The following ANO3 variants were observed in gnomAD, a reference collection of about 807,000 sequenced individuals.
ANO3 encodes the protein anoctamin 3.
Under a neutral mutation model 144.8 loss-of-function variants are expected in ANO3, and 99 were observed. The ratio of observed to expected loss-of-function variants is 0.68; its 90% CI spans 0.58 to 0.81. The LOEUF is 0.81. Ranked by LOEUF, ANO3 falls within the 30% of genes least tolerant of loss-of-function variation. ANO3 has a pLI of 0.00. For synonymous variants in ANO3, 414 were observed against 392.6 expected, an observed-to-expected ratio of 1.05 and a Z score of -0.64; for missense variants, 905 against 1,202.2, an observed-to-expected ratio of 0.75 and a Z score of 3.66.
intron 1 of ANO3, among the ~76,000 whole-genome samples, chr11:26,289,580 C>CGA (rs1853894448): frequency 1.1e-5 from 1 of 89,440 alleles, no homozygotes; most frequent in Non-Finnish European, 2.1e-5. Flanking sequence ...ACACATATAT[C>CGA]CTATATGTGT....
At chr11:26,368,326 G>C (rs1856150391) in intron 1 of ANO3, among the ~76,000 whole-genome samples, 1 of 152,098 alleles carries the variant, frequency 6.6e-6, no homozygotes, top group Admixed American at 6.6e-5. Flanking sequence ...ATGAGCTGTA[G>C]ATTTCGTATA....
intron 1 of ANO3, among the ~76,000 whole-genome samples, chr11:26,416,946 G>T (rs1363957400): frequency 1.3e-5 from 2 of 151,998 alleles, no homozygotes; most frequent in Non-Finnish European, 2.9e-5. Context: ...TCCTCTAATA[G>T]TTTTACTGTT....
At chr11:26,600,278 C>A (rs11820757) in intron 17 of ANO3, among the ~76,000 whole-genome samples, 4 of 75,766 alleles carry the variant, frequency 5.3e-5, no homozygotes, top group Non-Finnish European at 1.1e-4. Flanking sequence ...CCTCTCCCCT[C>A]CCCTTCCCCT....
chr11:26,644,138 C>T (rs1396950724), intron 23 of ANO3, among the ~76,000 whole-genome samples: 1 of 152,138 alleles, frequency 6.6e-6, no homozygotes, highest in Non-Finnish European at 1.5e-5. Context: ...TGAGGACACC[C>T]TTCCAACCGT....
At position 26,419,709 on chromosome 11, in the gene ANO3, C is replaced by A. The variant is rs542468525; in HGVS notation, c.47-22209C>A. ...TAAATGAATGGAAACATAATAAGTT[C>A]TATTAAAGCAAAGTACGTATTGTTA... On this transcript the variant is annotated intron_variant, in intron 1 of 26. Coordinates refer to ENST00000256737, the MANE Select transcript of ANO3 (RefSeq NM_031418.4). Among the ~76,000 whole-genome samples, 3 of 152,032 alleles carry A rather than the reference C, an allele frequency of 2.0e-5. No homozygotes were observed. The South Asian group carries it at 6.2e-4, about 32-fold the overall frequency.
intron 14 of ANO3, among the ~76,000 whole-genome samples, chr11:26,598,127 A>G (rs374184709): frequency 6.6e-6 from 1 of 152,354 alleles, no homozygotes; most frequent in Middle Eastern, 3.4e-3. Flanking sequence ...CTGTGCTGAC[A>G]AAAAGTCCCT....
chr11:26,372,192 C>T (rs985149346), intron 1 of ANO3, among the ~76,000 whole-genome samples: 1 of 152,072 alleles, frequency 6.6e-6, no homozygotes, highest in Non-Finnish European at 1.5e-5. Flanking sequence ...ATCATGGGAT[C>T]GGATGGTTTT....
upstream of ANO3, among the ~76,000 whole-genome samples, chr11:26,329,298 A>ACACG (rs1278085496): frequency 2.6e-5 from 2 of 78,128 alleles, no homozygotes; most frequent in African/African-American, 6.6e-5. Context: ...CTTTCTTTAC[A>ACACG]CACACACACA....
intron 1 of ANO3, among the ~76,000 whole-genome samples, chr11:26,269,984 G>A (rs569929215): frequency 6.6e-6 from 1 of 152,280 alleles, no homozygotes; most frequent in African/African-American, 2.4e-5. Context: ...ACAGAGAACA[G>A]ATCATGTGAA....
intron 1 of ANO3, among the ~76,000 whole-genome samples, chr11:26,418,330 G>A (rs549095963): frequency 1.3e-5 from 2 of 152,194 alleles, no homozygotes; most frequent in African/African-American, 2.4e-5. Context: ...ATAACAGAGT[G>A]TGGCTGGAAG....
In ANO3 at chr11:26,623,182, A is replaced by G. The variant is rs187142035; in HGVS notation, c.1837-1280A>G. 2.0e-5 allele frequency among the ~76,000 whole-genome samples: 3 copies of G among 152,340 alleles called. No individual in the cohort carries two copies. In the East Asian group the frequency reaches 5.8e-4, roughly 29 times the overall value. ...CTCAGTGTAATCTTTCTGTCTCCAG[A>G]TAACACTTTAACTCTTAGGAAGGGG... On this transcript the variant is annotated intron_variant, in intron 17 of 26. Coordinates refer to ENST00000256737, the MANE Select transcript of ANO3 (RefSeq NM_031418.4).
intron 6 of ANO3, among the ~76,000 whole-genome samples, chr11:26,523,044 C>T (rs995255941): frequency 4.6e-5 from 7 of 152,100 alleles, no homozygotes; most frequent in Admixed American, 2.0e-4. Context: ...GCTGGAAAGG[C>T]CTTGGAAAGC....
chr11:26,310,330 G>A (rs1193425006), intron 1 of ANO3, among the ~76,000 whole-genome samples: 2 of 152,150 alleles, frequency 1.3e-5, no homozygotes, highest in African/African-American at 4.8e-5. Context: ...CAATTGATTG[G>A]TTATTGGTTA....
intron 17 of ANO3, among the ~76,000 whole-genome samples, chr11:26,614,478 A>T (rs143739854): frequency 1.3e-5 from 2 of 152,312 alleles, no homozygotes; most frequent in East Asian, 3.9e-4. Flanking sequence ...ACTGATCCCC[A>T]GGGCAAGACA....
At chr11:26,538,260 A>G (rs1045011319) in intron 10 of ANO3, among the ~76,000 whole-genome samples, 2 of 152,222 alleles carry the variant, frequency 1.3e-5, no homozygotes, top group Admixed American at 6.5e-5. Context: ...TGTTTTGTAT[A>G]TAGGTAACTG....
intron 1 of ANO3, among the ~76,000 whole-genome samples, chr11:26,314,338 C>T (rs140317223): frequency 6.6e-6 from 1 of 152,280 alleles, no homozygotes; most frequent in East Asian, 1.9e-4. Context: ...CCAATTTCCT[C>T]ATTTATAAAT....
chr11:26,376,875 G>A (rs1220433630), intron 1 of ANO3, among the ~76,000 whole-genome samples: 1 of 152,128 alleles, frequency 6.6e-6, no homozygotes, highest in Non-Finnish European at 1.5e-5. Context: ...ACTGAAATTT[G>A]TCCTTATAGG....
chr11:26,661,858 G>C lies in ANO3; in HGVS notation c.*1414G>C, dbSNP rs1853887603. ...AGGTTGGAAAGGAAGAAAGAGAAGA[G>C]CTGAAGTAAATGTATGGTAGAAATT... is the stretch of plus-strand genomic sequence containing the variant. On this transcript the variant is annotated 3_prime_UTR_variant, in exon 27 of 27. Transcript: ENST00000256737. 6.6e-6 allele frequency: 1 copy of C among 152,014 alleles called. No individual in the cohort carries two copies. Among genetic ancestry groups the C allele is most frequent in the African/African-American group, 2.4e-5 (1 of 41,418 alleles). The allele number at this position is 152,014 out of a possible 1,614,324, so 9.4% of individuals were successfully genotyped here.
intron 4 of ANO3, among the ~76,000 whole-genome samples, chr11:26,503,341 A>G (rs1424410077): frequency 6.6e-6 from 1 of 152,120 alleles, no homozygotes; most frequent in Admixed American, 6.5e-5. Flanking sequence ...ACAATTCAAG[A>G]AGCTGTATTC....
Sources: gnomAD v4.1 joint callset for allele counts (sites outside exome capture counted in the v4.1 genomes callset) on GRCh38, gnomAD v4.1.1 for gene constraint, MANE v1.5 for transcripts, NCBI Gene and HGNC (gene_info 2026-07-23, HGNC 2026-07-21) for gene names.